Variants in BPTF observed in about 807,000 individuals in gnomAD.
BPTF encodes bromodomain PHD finger transcription factor.
Under a neutral mutation model 292.5 loss-of-function variants are expected in BPTF, and 18 were observed. The observed-to-expected ratio is 0.06, with a 90% CI of 0.04 to 0.09. The LOEUF (loss-of-function observed/expected upper bound fraction) is 0.09. Ranked by LOEUF, BPTF falls within the 10% of genes least tolerant of loss-of-function variation. The pLI is 1.00. For missense variants in BPTF, 2,726 were observed against 3,498.7 expected (o/e 0.78, Z 5.57); for synonymous variants, 1,225 against 1,251.9 (o/e 0.98, Z 0.45).
chr17:67,832,046 C>T (rs185315471), intron 1 of BPTF, among the ~76,000 whole-genome samples: 47 of 152,098 alleles, frequency 3.1e-4, no homozygotes, highest in African/African-American at 1.1e-3. Flanking sequence ...CCTGCCACCA[C>T]GCCCGTCTAA....
chr17:67,954,201 T>C (rs528402596), intron 23 of BPTF, among the ~76,000 whole-genome samples: 7 of 151,748 alleles, frequency 4.6e-5, no homozygotes, highest in East Asian at 3.9e-4. Flanking sequence ...TTGTTGTCGT[T>C]GTTTTTTTGT....
chr17:67,980,808 A>G (rs2070254972), intron 27 of BPTF, among the ~76,000 whole-genome samples: 1 of 152,214 alleles, frequency 6.6e-6, no homozygotes, highest in African/African-American at 2.4e-5. Flanking sequence ...AAGTTGACAT[A>G]ATTTTCATTA....
At chr17:67,885,176 CTT>C (rs1227038480) in intron 4 of BPTF, among the ~76,000 whole-genome samples, 1 of 152,156 alleles carries the variant, frequency 6.6e-6, no homozygotes, top group East Asian at 1.9e-4. Flanking sequence ...CAGAGGGAGA[CTT>C]TTAATTTCTG....
In BPTF at chr17:67,971,919, C is replaced by T. The variant is rs150763070; in HGVS notation, c.8540-3853C>T. ...GTGTATATCTATGGCATTCTGTCTG[C>T]GCTATTGGAAAACACTGAGTATTAT... On this transcript the variant is annotated intron_variant, in intron 26 of 27. Transcript: ENST00000306378. Among the ~76,000 whole-genome samples the T allele has an allele frequency of 6.6e-3, 1,004 of 151,706 alleles. 4 individuals are homozygous for T. Among genetic ancestry groups the T allele is most frequent in the Non-Finnish European group, 0.012 (792 of 67,958 alleles).
At chr17:67,893,775 T>G (rs1414302401) in intron 6 of BPTF, 50 bp downstream of exon 6, 5 of 1,364,016 alleles carry the variant, frequency 3.7e-6, no homozygotes, top group African/African-American at 1.5e-5. Flanking sequence ...TAAATGTTTA[T>G]AAAATGATTG....
At chr17:67,851,225 T>C (rs1193776223) in intron 1 of BPTF, among the ~76,000 whole-genome samples, 2 of 151,502 alleles carry the variant, frequency 1.3e-5, no homozygotes, top group Non-Finnish European at 2.9e-5. Context: ...CCTTCGTGAC[T>C]GGGCTCAAGG....
At chr17:67,881,029 C>T (rs1463220094) in intron 4 of BPTF, among the ~76,000 whole-genome samples, 1 of 151,374 alleles carries the variant, frequency 6.6e-6, no homozygotes, top group Admixed American at 6.6e-5. Context: ...GAAATAAAAT[C>T]TTGTCAGAAT....
chr17:67,830,808 C>T (rs926852560), intron 1 of BPTF, among the ~76,000 whole-genome samples: 2 of 152,288 alleles, frequency 1.3e-5, no homozygotes, highest in East Asian at 1.9e-4. Context: ...ACTGTACTTT[C>T]CCCCTTTTCT....
chr17:67,861,003 G>A (rs74900812), intron 2 of BPTF, among the ~76,000 whole-genome samples: 10 of 152,188 alleles, frequency 6.6e-5, no homozygotes, highest in South Asian at 2.1e-4. Flanking sequence ...TTCTGTCCAC[G>A]TTCAGTTCTG....
chr17:67,900,143 C>T (rs2061727171), intron 7 of BPTF, among the ~76,000 whole-genome samples: 1 of 152,142 alleles, frequency 6.6e-6, no homozygotes, highest in Non-Finnish European at 1.5e-5. Flanking sequence ...CTTGCTGTGT[C>T]GCCCAGGCTA....
intron 26 of BPTF, among the ~76,000 whole-genome samples, chr17:67,971,792 C>T (rs1329837709): frequency 4.3e-5 from 6 of 140,384 alleles, no homozygotes; most frequent in Admixed American, 7.7e-5. Flanking sequence ...CATGCCACTG[C>T]ACTTCAGCCT....
intron 15 of BPTF, among the ~76,000 whole-genome samples, chr17:67,927,177 C>G (rs1049618981): frequency 1.3e-5 from 2 of 152,212 alleles, no homozygotes; most frequent in African/African-American, 2.4e-5. Context: ...TCACCCTTAA[C>G]TAGCTCTGTG....
chr17:67,863,297 A>G (rs149192516), intron 2 of BPTF, among the ~76,000 whole-genome samples: 31 of 151,658 alleles, frequency 2.0e-4, no homozygotes, highest in African/African-American at 7.5e-4. Context: ...TTTTCTTTTC[A>G]TTTTTTTGAG....
intron 15 of BPTF, among the ~76,000 whole-genome samples, chr17:67,925,671 C>G (rs2063807236): frequency 6.6e-6 from 1 of 152,072 alleles, no homozygotes; most frequent in South Asian, 2.1e-4. Flanking sequence ...GTAGATATAT[C>G]TATATACAGT....
Position 67,911,943 on chromosome 17 carries a change from G to T in BPTF, c.4059G>T (p.Gly1353=), listed in dbSNP as rs1002354906. ...GTGAGGACAGGCTGCCGGTCAAGGG[G>T]ACTGAAGCAAATGGTAAAAAACCAA... The part of the protein sequence containing the change: ...GNCEDRLPVK[G]TEANGKKPSQ... Residue 1353 remains glycine, a synonymous_variant, in exon 11 of 28, where the codon GGG becomes GGT. Transcript: ENST00000306378. 1.2e-6 allele frequency: 2 copies of T among 1,613,980 alleles called. No homozygotes were observed. Among genetic ancestry groups the T allele is most frequent in the Admixed American group, 1.7e-5 (1 of 59,984 alleles).
At chr17:67,866,319 A>G in intron 2 of BPTF, 145 bp from the exon 3 acceptor site, 1 of 642,204 alleles carries the variant, frequency 1.6e-6, no homozygotes, top group South Asian at 2.0e-5. Flanking sequence ...ATCAAGTTTG[A>G]GTGAGACCTG....
At chr17:67,947,654 T>A in intron 21 of BPTF, 72 bp from the exon 22 acceptor site, 1 of 1,131,458 alleles carries the variant, frequency 8.8e-7, no homozygotes, top group South Asian at 1.6e-5. Flanking sequence ...CTCAAATTTC[T>A]ACTGTTGTTA....
intron 1 of BPTF, among the ~76,000 whole-genome samples, chr17:67,837,675 G>T (rs943449992): frequency 1.8e-4 from 27 of 152,158 alleles, no homozygotes; most frequent in African/African-American, 4.8e-4. Flanking sequence ...CTCTCAAAGT[G>T]CTGGGATTAC....
intron 11 of BPTF, among the ~76,000 whole-genome samples, chr17:67,915,911 T>C (rs2062954662): frequency 6.6e-6 from 1 of 152,252 alleles, no homozygotes; most frequent in Admixed American, 6.5e-5. Flanking sequence ...ACCGTGCATG[T>C]GGTGTGTTCC....
Sources: allele counts gnomAD v4.1 joint callset (sites outside exome capture counted in the v4.1 genomes callset), GRCh38; gene constraint gnomAD v4.1.1; transcripts MANE v1.5; gene names NCBI Gene and HGNC (gene_info 2026-07-23, HGNC 2026-07-21).